The following ERICH1 variants were observed in gnomAD, a reference collection of about 807,000 sequenced individuals.
ERICH1 encodes the protein glutamate rich 1, also known as glutamate-rich protein 1.
A neutral mutation model predicts 39.6 loss-of-function variants in ERICH1; 56 were observed. That is an observed-to-expected ratio of 1.41 (90% CI 1.14 to 1.77). ERICH1 has a LOEUF of 1.77. Among genes scored for constraint, ERICH1 ranks in the 40% most tolerant of loss-of-function variants. ERICH1 has a pLI of 0.00. For missense variants in ERICH1, 826 were observed against 575.4 expected (o/e 1.44, Z -4.45); for synonymous variants, 313 against 223.6 (o/e 1.40, Z -3.57).
chr8:698,160 T>C (rs1810804277), intron 2 of ERICH1, among the ~76,000 whole-genome samples: 1 of 152,124 alleles, frequency 6.6e-6, no homozygotes, highest in Admixed American at 6.5e-5. Flanking sequence ...CAGAACGCTT[T>C]AGTATTTTAA....
intron 4 of ERICH1, 49 bp from the exon 5 acceptor site, chr8:668,841 A>T: frequency 3.3e-6 from 5 of 1,513,026 alleles, no homozygotes; most frequent in Non-Finnish European, 4.4e-6. Flanking sequence ...TTTTATTTCT[A>T]TAAACTAAAG....
chr8:638,825 G>A (rs757930471), intron 3 of ERICH1, among the ~76,000 whole-genome samples: 2 of 151,966 alleles, frequency 1.3e-5, no homozygotes, highest in African/African-American at 2.4e-5. Context: ...TGTCGTCATC[G>A]AGAGCAAGGC....
intron 3 of ERICH1, chr8:616,207 T>C (rs17666538): frequency 0.066 from 14,500 of 220,870 alleles, 661 homozygotes; most frequent in Non-Finnish European, 0.08. Flanking sequence ...ACCTGAAAAG[T>C]GTAGTCACAT....
intron 3 of ERICH1, among the ~76,000 whole-genome samples, chr8:634,175 A>AC (rs1554481870): frequency 2.4e-3 from 328 of 137,144 alleles, no homozygotes; most frequent in African/African-American, 7.2e-3. Flanking sequence ...ACTCAAAAAA[A>AC]AAAAAAAAAA....
intron 3 of ERICH1, chr8:690,843 CAA>C (rs1230125046): frequency 6.6e-6 from 1 of 152,344 alleles, no homozygotes; most frequent in Non-Finnish European, 1.5e-5. Flanking sequence ...TGAGTGCTTC[CAA>C]GAGAGACCAC....
At chr8:727,818 G>C (rs571132626) in intron 1 of ERICH1, among the ~76,000 whole-genome samples, 2 of 152,220 alleles carry the variant, frequency 1.3e-5, no homozygotes, top group African/African-American at 2.4e-5. Flanking sequence ...GGACCACCTT[G>C]ATGGGAAACT....
chr8:662,488 A>C (rs1801571238), downstream of ERICH1, among the ~76,000 whole-genome samples: 1 of 152,032 alleles, frequency 6.6e-6, no homozygotes, highest in Admixed American at 6.6e-5. Flanking sequence ...TTCTCTACTA[A>C]AAATACAAAA....
intron 3 of ERICH1, among the ~76,000 whole-genome samples, chr8:649,167 C>T (rs1253017158): frequency 1.5e-5 from 1 of 68,818 alleles, no homozygotes; most frequent in African/African-American, 3.7e-5. Context: ...CACTTTATTA[C>T]CTGGATGAAT....
At chr8:653,719 T>C (rs58607200) in intron 3 of ERICH1, among the ~76,000 whole-genome samples, 2,755 of 152,314 alleles carry the variant, frequency 0.018, 87 homozygotes, top group African/African-American at 0.063. Context: ...ACACAGGCTA[T>C]AACACGAGGA....
intron 3 of ERICH1, among the ~76,000 whole-genome samples, chr8:650,252 T>C (rs1207724192): frequency 6.6e-6 from 1 of 152,110 alleles, no homozygotes; most frequent in Non-Finnish European, 1.5e-5. Flanking sequence ...CCAGGCCGAG[T>C]CAGCACTCTG....
intron 3 of ERICH1, chr8:641,152 A>G (rs549313101): frequency 3.9e-5 from 6 of 152,328 alleles, no homozygotes; most frequent in Non-Finnish European, 7.3e-5. Flanking sequence ...CGTTTAATCT[A>G]TAATTTTACA....
At chr8:623,908 CATTAAA>C (rs1286196483) in intron 3 of ERICH1, among the ~76,000 whole-genome samples, 2 of 152,142 alleles carry the variant, frequency 1.3e-5, no homozygotes. Flanking sequence ...AAATTGGCTA[CATTAAA>C]ATTAAAACTT....
intron 3 of ERICH1, among the ~76,000 whole-genome samples, chr8:630,155 A>C (rs1797904616): frequency 8.5e-6 from 1 of 117,430 alleles, no homozygotes; most frequent in East Asian, 3.2e-4. Context: ...CCCTCCCGTG[A>C]CCACCCACAC....
At chr8:630,851 C>T (rs1797973634) in intron 3 of ERICH1, among the ~76,000 whole-genome samples, 1 of 143,238 alleles carries the variant, frequency 7.0e-6, no homozygotes, top group Non-Finnish European at 1.5e-5. Flanking sequence ...TGACCACCCA[C>T]TCAGACAGAG....
chr8:662,777 A>C (rs549942132), downstream of ERICH1, among the ~76,000 whole-genome samples: 2 of 152,356 alleles, frequency 1.3e-5, no homozygotes, highest in African/African-American at 2.4e-5. Context: ...TCCGGCTTGG[A>C]CACCACTGCA....
chr8:717,772 C>T (rs1483518848), intron 1 of ERICH1, among the ~76,000 whole-genome samples: 2 of 152,222 alleles, frequency 1.3e-5, no homozygotes, highest in African/African-American at 4.8e-5. Context: ...CAGCTGCCTG[C>T]GAGTGTCTGG....
At chr8:662,051 G>A (rs1292929268), downstream of ERICH1, among the ~76,000 whole-genome samples, 1 of 152,132 alleles carries the variant, frequency 6.6e-6, no homozygotes, top group East Asian at 1.9e-4. Flanking sequence ...CCCAGGAAAA[G>A]GCCACACATG....
intron 3 of ERICH1, chr8:616,616 G>C (rs1796913154): frequency 2.2e-6 from 1 of 455,196 alleles, no homozygotes; most frequent in Non-Finnish European, 4.4e-6. Context: ...AGAGTGAGTG[G>C]GGAGAGGGAG....
At chr8:684,978 G>A (rs1369220376) in intron 3 of ERICH1, among the ~76,000 whole-genome samples, 2 of 152,216 alleles carry the variant, frequency 1.3e-5, no homozygotes, top group Non-Finnish European at 2.9e-5. Flanking sequence ...ATGTTCCACT[G>A]TGCATACATT....
Sources: gnomAD v4.1 joint callset for allele counts (sites outside exome capture counted in the v4.1 genomes callset) on GRCh38, gnomAD v4.1.1 for gene constraint, MANE v1.5 for transcripts, NCBI Gene and HGNC (gene_info 2026-07-23, HGNC 2026-07-21) for gene names.